PTPRT: variants seen among roughly 807,000 people sequenced by gnomAD.
The protein encoded by PTPRT is protein tyrosine phosphatase receptor type T, also known as receptor-type tyrosine-protein phosphatase T.
A neutral mutation model predicts 176.8 loss-of-function variants in PTPRT; 56 were observed. That is an observed-to-expected ratio of 0.32 (90% CI 0.26 to 0.40). PTPRT has a LOEUF of 0.40. Ranked by LOEUF, PTPRT falls within the 10% of genes least tolerant of loss-of-function variation. PTPRT has a pLI of 1.00. For synonymous variants in PTPRT, 783 were observed against 739.0 expected, an observed-to-expected ratio of 1.06 and a Z score of -0.96; for missense variants, 1,540 against 1,908.2, an observed-to-expected ratio of 0.81 and a Z score of 3.60.
intron 6 of PTPRT, among the ~76,000 whole-genome samples, chr20:42,689,942 G>T (rs2075765571): frequency 6.6e-6 from 1 of 152,138 alleles, no homozygotes; most frequent in Non-Finnish European, 1.5e-5. Flanking sequence ...TGTTGTCTTA[G>T]ACCACTAACT....
the PTPRT span, among the ~76,000 whole-genome samples, chr20:42,039,692 G>GTATATATATGTATATATATATATATATA: frequency 5.3e-5 from 6 of 113,206 alleles, no homozygotes. Context: ...ATTCTGTTGT[G>GTATATATATGTATATATATATATATATA]TATATATATA....
intron 16 of PTPRT, among the ~76,000 whole-genome samples, chr20:42,177,897 CCTTT>C (rs1432219961): frequency 6.7e-6 from 1 of 148,598 alleles, no homozygotes; most frequent in Non-Finnish European, 1.5e-5. Context: ...TTCTTTCTTT[CCTTT>C]CTCTCTCTCT....
intron 9 of PTPRT, among the ~76,000 whole-genome samples, chr20:42,412,004 T>G (rs1311617600): frequency 6.6e-6 from 1 of 152,202 alleles, no homozygotes; most frequent in Non-Finnish European, 1.5e-5. Context: ...TGACCTTTGT[T>G]AGGCCAAGAA....
chr20:42,054,646 G>C, the PTPRT span, among the ~76,000 whole-genome samples: 2 of 152,108 alleles, frequency 1.3e-5, no homozygotes, highest in South Asian at 4.1e-4. Context: ...AAGAAGGTTG[G>C]CCTATTCCAT....
At chr20:42,530,352 C>T (rs1249990120) in intron 7 of PTPRT, among the ~76,000 whole-genome samples, 1 of 152,176 alleles carries the variant, frequency 6.6e-6, no homozygotes, top group Non-Finnish European at 1.5e-5. Flanking sequence ...CCGCTGCATG[C>T]CAGGCACCAT....
intron 16 of PTPRT, among the ~76,000 whole-genome samples, chr20:42,184,590 T>C (rs1296787041): frequency 7.0e-6 from 1 of 143,884 alleles, no homozygotes; most frequent in Non-Finnish European, 1.5e-5. Context: ...TTCTTCTTCT[T>C]CTTCCTCTTC....
At position 43,189,462 on chromosome 20, in the gene PTPRT, C is replaced by T. The variant is rs1363469402; in HGVS notation, c.88+184G>A. On this transcript the variant is annotated intron_variant, in intron 1 of 30. Coordinates refer to ENST00000373187, the MANE Select transcript of PTPRT (RefSeq NM_007050.6). The surrounding 1 kb of genome is among the most constrained non-coding windows in gnomAD (Gnocchi z 5.0). ...GCCGAGGGACGCGAGGGGCCGGGCTCGCTGGCCGGGGCGCGCGGGGACACT... is the reference window on the plus strand; with the variant it reads ...GCCGAGGGACGCGAGGGGCCGGGCTTGCTGGCCGGGGCGCGCGGGGACACT... 6.6e-6 allele frequency among the ~76,000 whole-genome samples: 1 copy of T among 152,086 alleles called. No individual in the cohort carries two copies. The highest frequency in any genetic ancestry group is 1.5e-5 in the Non-Finnish European group (1 of 67,996).
chr20:42,334,128 T>A lies in PTPRT; in HGVS notation c.1865+16500A>T, dbSNP rs182595940. On this transcript the variant is annotated intron_variant, in intron 11 of 30. Transcript: ENST00000373187. The stretch of plus-strand genomic sequence containing the variant: ...AGAACCTGTGAATCATACATTTTTT[T>A]AAAAAAAAGTCTATTAAGACCCCCA... 8.1e-3 allele frequency among the ~76,000 whole-genome samples: 1,234 copies of A among 152,090 alleles called. 31 individuals are homozygous for A. The East Asian group carries it at 0.097, about 12-fold the overall frequency.
rs11482189 is a variant in PTPRT, at chr20:43,016,552, C to CTT, written c.89-130622_89-130621dup. ...CATTTCTCTAACTGCTCTAAGGCCACTTTTTTTTTTTTTTTTTTTTTTTTT... is the reference window on the plus strand; with the variant it reads ...CATTTCTCTAACTGCTCTAAGGCCACTTTTTTTTTTTTTTTTTTTTTTTTTTT... On this transcript the variant is annotated intron_variant, in intron 1 of 30. Coordinates refer to ENST00000373187, the MANE Select transcript of PTPRT (RefSeq NM_007050.6). 1.6e-3 allele frequency among the ~76,000 whole-genome samples: 119 copies of CTT among 76,232 alleles called. 12 individuals are homozygous for CTT. Among genetic ancestry groups the CTT allele is most frequent in the African/African-American group, 6.0e-3 (85 of 14,280 alleles). 50.0% of individuals were successfully genotyped at this position (76,232 alleles called of 152,430 possible). A position where few individuals can be genotyped will look rare whatever the true frequency, so the allele number is the denominator to read the frequency against.
At chr20:42,823,383 G>C (rs761439923) in intron 2 of PTPRT, among the ~76,000 whole-genome samples, 18 of 152,090 alleles carry the variant, frequency 1.2e-4, no homozygotes, top group Non-Finnish European at 2.2e-4. Flanking sequence ...ACCAGGGCCT[G>C]TTGAGGGGTG....
At chr20:42,311,165 C>G (rs775810446) in intron 12 of PTPRT, among the ~76,000 whole-genome samples, 1 of 152,114 alleles carries the variant, frequency 6.6e-6, no homozygotes, top group African/African-American at 2.4e-5. Context: ...AATGAAAACA[C>G]GATGAGATCA....
At chr20:42,995,933 A>G (rs1350374518) in intron 1 of PTPRT, among the ~76,000 whole-genome samples, 2 of 152,062 alleles carry the variant, frequency 1.3e-5, no homozygotes, top group Admixed American at 1.3e-4. Context: ...CTCCTGCCTC[A>G]GTTTCCTAAG....
intron 11 of PTPRT, among the ~76,000 whole-genome samples, chr20:42,336,355 T>A (rs939296219): frequency 2.0e-5 from 3 of 152,152 alleles, no homozygotes; most frequent in African/African-American, 7.2e-5. Flanking sequence ...TAGCACATTA[T>A]GTAGTGACAT....
intron 7 of PTPRT, among the ~76,000 whole-genome samples, chr20:42,474,455 G>A (rs1456198737): frequency 6.6e-6 from 1 of 152,206 alleles, no homozygotes; most frequent in Non-Finnish European, 1.5e-5. Context: ...AGGGTGTTGA[G>A]GATAGTGGGC....
chr20:43,063,929 T>C (rs983815233), intron 1 of PTPRT, among the ~76,000 whole-genome samples: 1 of 152,164 alleles, frequency 6.6e-6, no homozygotes, highest in Non-Finnish European at 1.5e-5. Flanking sequence ...CAGTCCTACT[T>C]GGACTCCTCA....
intron 9 of PTPRT, among the ~76,000 whole-genome samples, chr20:42,394,368 A>G (rs898548907): frequency 1.3e-5 from 2 of 152,164 alleles, no homozygotes; most frequent in Non-Finnish European, 2.9e-5. Flanking sequence ...ATTCTTGCCA[A>G]TGAAACGTGA....
At chr20:42,243,072 G>GGAGAAAGAGAGA (rs1315373315) in intron 14 of PTPRT, among the ~76,000 whole-genome samples, 6 of 150,620 alleles carry the variant, frequency 4.0e-5, no homozygotes, top group African/African-American at 1.5e-4. Context: ...GGAGGGAGGG[G>GGAGAAAGAGAGA]GAGAAAGAGA....
At chr20:42,536,757 CT>C (rs777162034) in intron 7 of PTPRT, among the ~76,000 whole-genome samples, 2 of 152,094 alleles carry the variant, frequency 1.3e-5, no homozygotes, top group Admixed American at 6.5e-5. Context: ...GAAATGAAAA[CT>C]TTTTTTGTAA....
At chr20:42,993,278 C>T (rs866455091) in intron 1 of PTPRT, among the ~76,000 whole-genome samples, 6 of 150,546 alleles carry the variant, frequency 4.0e-5, no homozygotes, top group South Asian at 4.2e-4. Context: ...ATTAGCCGGG[C>T]GTGGTGGCGG....
Sources: allele counts gnomAD v4.1 joint callset (sites outside exome capture counted in the v4.1 genomes callset), GRCh38; gene constraint gnomAD v4.1.1; non-coding constraint Gnocchi (gnomAD v3.1); transcripts MANE v1.5; gene names NCBI Gene and HGNC (gene_info 2026-07-23, HGNC 2026-07-21).